The following JMJD1C variants were observed in gnomAD, a reference collection of about 807,000 sequenced individuals.
JMJD1C encodes the protein jumonji domain-containing protein 1C.
A neutral mutation model predicts 245.3 loss-of-function variants in JMJD1C; 31 were observed. The observed-to-expected ratio is 0.13, with a 90% CI of 0.09 to 0.17. The LOEUF (loss-of-function observed/expected upper bound fraction) is 0.17, where lower values mean the gene tolerates loss of function less well. Among genes scored for constraint, JMJD1C ranks in the 10% least tolerant of loss-of-function variants. The pLI is 1.00. For missense variants in JMJD1C, 2,691 were observed against 3,000.2 expected (o/e 0.90, Z 2.41); for synonymous variants, 1,057 against 1,017.4 (o/e 1.04, Z -0.74).
intron 2 of JMJD1C, among the ~76,000 whole-genome samples, chr10:63,318,843 G>A (rs1940446333): frequency 1.3e-5 from 2 of 151,814 alleles, no homozygotes; most frequent in Non-Finnish European, 2.9e-5. Flanking sequence ...CCTTAAATGG[G>A]TCTGCTCATT....
chr10:63,405,910 T>C (rs538043361), intron 1 of JMJD1C, among the ~76,000 whole-genome samples: 12 of 152,126 alleles, frequency 7.9e-5, no homozygotes, highest in Admixed American at 2.6e-4. Flanking sequence ...AGGACATATA[T>C]ATAACAGGAG....
At chr10:63,459,033 T>C (rs1408406199) in intron 1 of JMJD1C, among the ~76,000 whole-genome samples, 1 of 152,188 alleles carries the variant, frequency 6.6e-6, no homozygotes, top group African/African-American at 2.4e-5. Flanking sequence ...ATAGCATACA[T>C]TACGGTAGTT....
At chr10:63,518,445 C>T (rs1053661602) in intron 1 of JMJD1C, among the ~76,000 whole-genome samples, 4 of 152,092 alleles carry the variant, frequency 2.6e-5, no homozygotes, top group African/African-American at 9.7e-5. Context: ...CGACGTGGGG[C>T]AAAACTACAC....
chr10:63,241,904 G>T (rs1436090916), intron 3 of JMJD1C, among the ~76,000 whole-genome samples: 2 of 152,138 alleles, frequency 1.3e-5, no homozygotes, highest in Non-Finnish European at 2.9e-5. Flanking sequence ...TGAAGTAGTA[G>T]AAGTTAAAAC....
At chr10:63,380,271 T>G (rs1215147273) in intron 2 of JMJD1C, 47 bp downstream of exon 2, 2 of 1,592,158 alleles carry the variant, frequency 1.3e-6, no homozygotes, top group Admixed American at 1.7e-5. Context: ...GTTCTTTGTT[T>G]TAAACGAACA....
chr10:63,253,723 G>C (rs1465569581), intron 3 of JMJD1C, among the ~76,000 whole-genome samples: 1 of 152,068 alleles, frequency 6.6e-6, no homozygotes. Context: ...TGCACCAGGC[G>C]CGGTGGTATT....
At chr10:63,176,945 C>G (rs1029036102) in intron 23 of JMJD1C, 1 of 152,932 alleles carries the variant, frequency 6.5e-6, no homozygotes, top group Non-Finnish European at 1.5e-5. Context: ...TCAAGGGACT[C>G]TTTAATCAGT....
At chr10:63,306,386 A>G (rs964202020) in intron 2 of JMJD1C, among the ~76,000 whole-genome samples, 1 of 152,222 alleles carries the variant, frequency 6.6e-6, no homozygotes, top group Non-Finnish European at 1.5e-5. Flanking sequence ...CACCGTGCCC[A>G]GCCAACAAAG....
chr10:63,485,986 T>G (rs1221537693), intron 1 of JMJD1C, among the ~76,000 whole-genome samples: 2 of 151,648 alleles, frequency 1.3e-5, no homozygotes, highest in Admixed American at 1.3e-4. Flanking sequence ...ATTAAATGGA[T>G]GGATGGCAGC....
intron 2 of JMJD1C, among the ~76,000 whole-genome samples, chr10:63,288,548 T>C (rs1217412663): frequency 6.6e-6 from 1 of 152,218 alleles, no homozygotes. Context: ...AATCTGTTCA[T>C]GTCTTTTGCC....
Position 63,264,734 on chromosome 10 carries a change from G to T in JMJD1C, c.364C>A (p.Pro122Thr), listed in dbSNP as rs1048973188. The change falls in exon 3 of 26, where the codon CCC becomes ACC. Residue 122 changes from proline (P) to threonine (T), a missense_variant. This residue lies in a region of JMJD1C where 172 missense variants were observed against 240.8 expected (regional missense o/e 0.71). Transcript: ENST00000399262. The stretch of plus-strand genomic sequence containing the variant: ...AATTCTACTGCAGTGACTGAACTGG[G>T]TATATTTCTTTCAACCAGAGGTTTG... Reference protein sequence around the residue: ...TFKPLVERNIPSSVTAVEFLV... With the variant: ...TFKPLVERNITSSVTAVEFLV... 2.5e-6 allele frequency: 4 copies of T among 1,587,190 alleles called. No individual in the cohort carries two copies. The highest frequency in any genetic ancestry group is 3.4e-6 in the Non-Finnish European group (4 of 1,167,522).
chr10:63,216,646 C>T (rs1401720452), intron 5 of JMJD1C, among the ~76,000 whole-genome samples: 2 of 152,066 alleles, frequency 1.3e-5, no homozygotes, highest in African/African-American at 4.8e-5. Flanking sequence ...GGTGGTGGAG[C>T]TTACAGTGAG....
At chr10:63,448,267 T>C (rs1951827577) in intron 1 of JMJD1C, among the ~76,000 whole-genome samples, 1 of 152,056 alleles carries the variant, frequency 6.6e-6, no homozygotes, top group Non-Finnish European at 1.5e-5. Flanking sequence ...TGGGATTCTC[T>C]TGCCTCAGCC....
At chr10:63,455,639 T>C (rs1952362257) in intron 1 of JMJD1C, among the ~76,000 whole-genome samples, 1 of 152,108 alleles carries the variant, frequency 6.6e-6, no homozygotes, top group South Asian at 2.1e-4. Flanking sequence ...TCTTTAAAAA[T>C]GGCTTATTTC....
intron 2 of JMJD1C, among the ~76,000 whole-genome samples, chr10:63,367,225 GTTTT>G: frequency 6.6e-6 from 1 of 151,446 alleles, no homozygotes; most frequent in South Asian, 2.1e-4. Flanking sequence ...ATTCACCCTA[GTTTT>G]TTTTTGTTTT....
At chr10:63,420,714 C>CAAAAAAA (rs35090799) in intron 1 of JMJD1C, among the ~76,000 whole-genome samples, 2 of 47,696 alleles carry the variant, frequency 4.2e-5, no homozygotes, top group African/African-American at 8.9e-5. Context: ...GACCCAGTCT[C>CAAAAAAA]AAAAAAAAAA....
chr10:63,233,663 C>T (rs1198720990), intron 3 of JMJD1C, among the ~76,000 whole-genome samples: 1 of 151,144 alleles, frequency 6.6e-6, no homozygotes, highest in Non-Finnish European at 1.5e-5. Flanking sequence ...ACCATAAAAA[C>T]ATTCCTTTTA....
At chr10:63,389,322 AAAAAAAG>A (rs1337086947) in intron 1 of JMJD1C, among the ~76,000 whole-genome samples, 30 of 150,472 alleles carry the variant, frequency 2.0e-4, no homozygotes, top group South Asian at 4.2e-4. Context: ...AAAAAAAAAA[AAAAAAAG>A]AAAAAGAAAA....
intron 2 of JMJD1C, among the ~76,000 whole-genome samples, chr10:63,314,496 G>C (rs1326693834): frequency 2.6e-5 from 4 of 152,170 alleles, no homozygotes; most frequent in African/African-American, 9.6e-5. Context: ...GGAAGTCGAG[G>C]CTACAGCAAG....
Sources: gnomAD v4.1 joint callset for allele counts (sites outside exome capture counted in the v4.1 genomes callset) on GRCh38, gnomAD v4.1.1 for gene constraint, gnomAD v4.1.1 regional missense constraint, MANE v1.5 for transcripts, NCBI Gene and HGNC (gene_info 2026-07-23, HGNC 2026-07-21) for gene names.